ARHGAP10: variants seen among roughly 807,000 people sequenced by gnomAD.
The protein encoded by ARHGAP10 is Rho GTPase activating protein 10, also known as rho GTPase-activating protein 10.
ARHGAP10 carries 87 observed loss-of-function variants against 108.6 expected under a neutral mutation model. The ratio of observed to expected loss-of-function variants is 0.80; its 90% CI spans 0.67 to 0.96. ARHGAP10 has a LOEUF of 0.96. Among genes scored for constraint, ARHGAP10 ranks in the 40% least tolerant of loss-of-function variants. The pLI is 0.00. For missense variants in ARHGAP10, 939 were observed against 954.5 expected (o/e 0.98, Z 0.21); for synonymous variants, 347 against 341.1 (o/e 1.02, Z -0.19).
In ARHGAP10 at chr4:147,828,198, A is replaced by T. The variant is rs1732802339; in HGVS notation, c.312+5241A>T. On this transcript the variant is annotated intron_variant, in intron 3 of 22. Transcript: ENST00000336498. ...ATTAATAATTGGATATTCATAATTAAGACTGAGTCATTAAAATGTTAAAAC... is the reference window on the plus strand; with the variant it reads ...ATTAATAATTGGATATTCATAATTATGACTGAGTCATTAAAATGTTAAAAC... Among the ~76,000 whole-genome samples the T allele has an allele frequency of 2.0e-5, 3 of 152,374 alleles. No individual in the cohort carries two copies. In the South Asian group the frequency reaches 6.2e-4, roughly 32 times the overall value.
chr4:147,984,253 A>G lies in ARHGAP10; in HGVS notation c.1716+17414A>G, dbSNP rs1010124124. On this transcript the variant is annotated intron_variant, in intron 18 of 22. Coordinates refer to ENST00000336498, the MANE Select transcript of ARHGAP10 (RefSeq NM_024605.4). Reference sequence around the variant, plus strand: ...AGAAGCATGAAAAGCGCCCTCCCCCAGTACACATTCGCGTTCAGCGGCTGG... The same window carrying G: ...AGAAGCATGAAAAGCGCCCTCCCCCGGTACACATTCGCGTTCAGCGGCTGG... Among the ~76,000 whole-genome samples, 4 of 152,228 alleles carry G rather than the reference A, an allele frequency of 2.6e-5. No individual in the cohort carries two copies. The East Asian group carries it at 7.7e-4, about 29-fold the overall frequency.
At chr4:147,775,208 G>A (rs1029000877) in intron 1 of ARHGAP10, among the ~76,000 whole-genome samples, 14 of 152,114 alleles carry the variant, frequency 9.2e-5, no homozygotes, top group African/African-American at 2.7e-4. Context: ...CCACCGCACC[G>A]GCCTGATGGT....
At chr4:147,867,526 T>C (rs1734614499) in intron 7 of ARHGAP10, among the ~76,000 whole-genome samples, 1 of 152,128 alleles carries the variant, frequency 6.6e-6, no homozygotes, top group Non-Finnish European at 1.5e-5. Flanking sequence ...GGTAGATGGA[T>C]GGGAAGCTGT....
intron 1 of ARHGAP10, among the ~76,000 whole-genome samples, chr4:147,812,157 A>C (rs1335706541): frequency 7.2e-5 from 11 of 152,172 alleles, no homozygotes; most frequent in Non-Finnish European, 1.2e-4. Flanking sequence ...GGATGAACTT[A>C]GTAGGGAATG....
intron 9 of ARHGAP10, among the ~76,000 whole-genome samples, chr4:147,881,622 A>T (rs35243600): frequency 0.2 from 31,045 of 152,192 alleles, 5,285 homozygotes; most frequent in African/African-American, 0.47. Flanking sequence ...TGGGTGAAAG[A>T]GCGAGGCTCC....
At chr4:147,973,858 A>G (rs1444848159) in intron 18 of ARHGAP10, among the ~76,000 whole-genome samples, 1 of 152,174 alleles carries the variant, frequency 6.6e-6, no homozygotes, top group African/African-American at 2.4e-5. Context: ...GCCATTGTAA[A>G]TGACAGGATC....
At chr4:147,950,663 C>T (rs572063919) in intron 15 of ARHGAP10, among the ~76,000 whole-genome samples, 6 of 152,142 alleles carry the variant, frequency 3.9e-5, no homozygotes, top group South Asian at 2.1e-4. Context: ...TGCAGTGGAC[C>T]GATGTGTGGC....
intron 1 of ARHGAP10, among the ~76,000 whole-genome samples, chr4:147,758,578 C>T (rs866068665): frequency 2.7e-4 from 41 of 152,152 alleles, no homozygotes; most frequent in African/African-American, 9.2e-4. Flanking sequence ...TCTGACTGTG[C>T]TGTTTAAATG....
intron 3 of ARHGAP10, among the ~76,000 whole-genome samples, 197 bp downstream of exon 3, chr4:147,823,154 C>G (rs891732922): frequency 6.6e-6 from 1 of 152,194 alleles, no homozygotes; most frequent in Non-Finnish European, 1.5e-5. Context: ...CTTGGAGAAG[C>G]TGCTGGGCCT....
intron 1 of ARHGAP10, among the ~76,000 whole-genome samples, chr4:147,776,212 G>A (rs557762326): frequency 5.9e-5 from 9 of 152,068 alleles, no homozygotes; most frequent in Non-Finnish European, 1.2e-4. Flanking sequence ...GCCCTTTTGC[G>A]AATGAATGAT....
chr4:148,044,338 G>A (rs934664535), intron 19 of ARHGAP10, among the ~76,000 whole-genome samples: 6 of 152,026 alleles, frequency 3.9e-5, no homozygotes, highest in African/African-American at 1.4e-4. Context: ...GGTTTCTCTC[G>A]GTAGGAGTAA....
At chr4:147,768,015 G>A (rs1430740597) in intron 1 of ARHGAP10, among the ~76,000 whole-genome samples, 1 of 152,174 alleles carries the variant, frequency 6.6e-6, no homozygotes, top group Non-Finnish European at 1.5e-5. Flanking sequence ...AAGTCTTCAG[G>A]CATGAAACAT....
chr4:147,949,198 T>C (rs543745702), intron 15 of ARHGAP10, among the ~76,000 whole-genome samples: 1 of 152,378 alleles, frequency 6.6e-6, no homozygotes, highest in South Asian at 2.1e-4. Context: ...TGTGCACTAT[T>C]GTTATTCCTG....
chr4:147,997,876 A>T lies in ARHGAP10; in HGVS notation c.1717-25387A>T, dbSNP rs188942337. Among the ~76,000 whole-genome samples, 366 of 152,348 alleles carry T rather than the reference A, an allele frequency of 2.4e-3. 3 individuals carry two copies. The highest frequency in any genetic ancestry group is 8.4e-3 in the African/African-American group (351 of 41,578). On this transcript the variant is annotated intron_variant, in intron 18 of 22. Transcript: ENST00000336498. Reference sequence around the variant, plus strand: ...ACCAACAGTAATAATAGGAGCAAAAAAATTAGTCCCAGTAATAAGGAATTT... The same window carrying T: ...ACCAACAGTAATAATAGGAGCAAAATAATTAGTCCCAGTAATAAGGAATTT...
chr4:148,032,349 A>C (rs1294882516), intron 19 of ARHGAP10, among the ~76,000 whole-genome samples: 1 of 63,254 alleles, frequency 1.6e-5, no homozygotes, highest in Admixed American at 2.6e-4. Flanking sequence ...CCCCCCCCAT[A>C]TTGTAGGCCA....
intron 15 of ARHGAP10, among the ~76,000 whole-genome samples, chr4:147,948,050 C>T (rs981594868): frequency 1.3e-5 from 2 of 151,758 alleles, no homozygotes; most frequent in African/African-American, 4.8e-5. Flanking sequence ...CAGCAATTCT[C>T]CTGCCTCAGC....
chr4:148,063,291 C>T lies in ARHGAP10; in HGVS notation c.2171C>T (p.Pro724Leu). The change falls in exon 21 of 23, where the codon CCA becomes CTA. Residue 724 changes from proline to leucine, a missense_variant. By Grantham distance (98) the Pro-to-Leu change is moderately conservative. Coordinates refer to ENST00000336498, the MANE Select transcript of ARHGAP10 (RefSeq NM_024605.4). Reference sequence around the variant, plus strand: ...CCTCCTGCTACTGTAGCGGACAAGCCACCTGAAAGGTACGTGGTTTGGAGT... The same window carrying T: ...CCTCCTGCTACTGTAGCGGACAAGCTACCTGAAAGGTACGTGGTTTGGAGT... ...FSPPATVADKPPESIRSRKAR... is the reference protein window; with the variant it reads ...FSPPATVADKLPESIRSRKAR... The T allele has an allele frequency of 6.2e-7, 1 of 1,614,158 alleles. No homozygotes were observed. Among genetic ancestry groups the T allele is most frequent in the South Asian group, 1.1e-5 (1 of 91,082 alleles).
chr4:147,733,523 G>A (rs1396361417), intron 1 of ARHGAP10, among the ~76,000 whole-genome samples: 1 of 152,140 alleles, frequency 6.6e-6, no homozygotes, highest in East Asian at 1.9e-4. Flanking sequence ...TAGATTCTCA[G>A]TTCAGTAATT....
chr4:147,983,872 TTTTTCTAC>T (rs1247816861), intron 18 of ARHGAP10, among the ~76,000 whole-genome samples: 1 of 152,234 alleles, frequency 6.6e-6, no homozygotes, highest in Non-Finnish European at 1.5e-5. Context: ...ACAGTCTGGC[TTTTTCTAC>T]TGCTGGAGTT....
Sources: allele counts gnomAD v4.1 joint callset (sites outside exome capture counted in the v4.1 genomes callset), GRCh38; gene constraint gnomAD v4.1.1; transcripts MANE v1.5; gene names NCBI Gene and HGNC (gene_info 2026-07-23, HGNC 2026-07-21).